OSBPL9: variants seen among roughly 807,000 people sequenced by gnomAD.
OSBPL9 encodes oxysterol-binding protein-related protein 9.
In OSBPL9, 40 loss-of-function variants were observed where a neutral mutation model predicts 106.6. The ratio of observed to expected loss-of-function variants is 0.38; its 90% CI spans 0.29 to 0.49. The LOEUF (loss-of-function observed/expected upper bound fraction) is 0.49, where lower values mean the gene tolerates loss of function less well. OSBPL9 is among the 20% of genes least tolerant of loss of function. OSBPL9 has a pLI of 0.97. For missense variants in OSBPL9, 609 were observed against 887.2 expected (o/e 0.69, Z 3.98); for synonymous variants, 269 against 295.4 (o/e 0.91, Z 0.92).
chr1:51,746,846 TATAATA>T lies in OSBPL9; in HGVS notation c.462+93_462+98del, dbSNP rs1350271092. On this transcript the variant is annotated intron_variant, in intron 6 of 23. Transcript: ENST00000428468. Reference sequence around the variant, plus strand: ...AGTATCTTAGTGTGTTTTTACTTACTATAATAATATTATTGACCTAGTGTAATATTA... The same window carrying T: ...AGTATCTTAGTGTGTTTTTACTTACTATATTATTGACCTAGTGTAATATTA... 3 of 1,018,990 alleles carry T rather than the reference TATAATA, an allele frequency of 2.9e-6. No homozygotes were observed. The African/African-American group carries it at 4.9e-5, about 17-fold the overall frequency. The allele number at this position is 1,018,990 out of a possible 1,614,324, so 63.1% of individuals were successfully genotyped here. A position where few individuals can be genotyped will look rare whatever the true frequency, so the allele number is the denominator to read the frequency against.
At chr1:51,657,604 A>G (rs946224678) in intron 2 of OSBPL9, among the ~76,000 whole-genome samples, 2 of 152,232 alleles carry the variant, frequency 1.3e-5, no homozygotes, top group African/African-American at 4.8e-5. Context: ...GGTAGTGTCA[A>G]ACCAGTGGAG....
At chr1:51,672,394 G>A (rs899516393) in intron 3 of OSBPL9, among the ~76,000 whole-genome samples, 1 of 152,078 alleles carries the variant, frequency 6.6e-6, no homozygotes. Context: ...ATACAGTTAG[G>A]CATTTTAATC....
intron 2 of OSBPL9, among the ~76,000 whole-genome samples, chr1:51,656,218 A>G (rs1361889381): frequency 1.3e-5 from 2 of 152,220 alleles, no homozygotes; most frequent in Non-Finnish European, 1.5e-5. Flanking sequence ...ATACCGTGAT[A>G]TAACTGGTAC....
intron 1 of OSBPL9, among the ~76,000 whole-genome samples, chr1:51,597,591 T>C (rs1465269665): frequency 6.6e-6 from 1 of 152,044 alleles, no homozygotes; most frequent in Non-Finnish European, 1.5e-5. Flanking sequence ...TAAGTGGTAT[T>C]TTAAGCCACA....
intron 12 of OSBPL9, among the ~76,000 whole-genome samples, chr1:51,771,201 CAT>C (rs1190012169): frequency 1.3e-5 from 2 of 152,272 alleles, no homozygotes; most frequent in South Asian, 2.1e-4. Context: ...GATTAGAATA[CAT>C]GTTTTCGCAC....
chr1:51,765,119 A>T (rs1156855131), intron 11 of OSBPL9, among the ~76,000 whole-genome samples: 2 of 152,290 alleles, frequency 1.3e-5, no homozygotes, highest in South Asian at 2.1e-4. Context: ...GTACCAGATG[A>T]TCATCTCAGA....
Position 51,608,680 on chromosome 1 carries a change from G to T in OSBPL9, c.-352-5625G>T, listed in dbSNP as rs550824188. 6.6e-3 allele frequency among the ~76,000 whole-genome samples: 993 copies of T among 151,364 alleles called. 7 individuals are homozygous for T. The highest frequency in any genetic ancestry group is 0.011 in the Non-Finnish European group (752 of 67,762). ...TGGTCACCTGACATTCCTGGATTGG[G>T]GGGGGGGGCTTTCCTGCCCTGCTCT... is the stretch of plus-strand genomic sequence containing the variant. On this transcript the variant is annotated intron_variant, in intron 2 of 25. Coordinates refer to the OSBPL9 transcript ENST00000371714.
At chr1:51,541,124 C>CTT in the OSBPL9 span, among the ~76,000 whole-genome samples, 2 of 151,986 alleles carry the variant, frequency 1.3e-5, no homozygotes, top group Non-Finnish European at 2.9e-5. Flanking sequence ...GAGTGAGACT[C>CTT]TGTCTCAAAA....
the OSBPL9 span, among the ~76,000 whole-genome samples, chr1:51,532,921 G>C: frequency 3.9e-5 from 6 of 152,040 alleles, no homozygotes; most frequent in Non-Finnish European, 1.5e-5. Context: ...AGAAACAGGA[G>C]ATTTAGAAAG....
chr1:51,579,163 C>T (rs189509233), intron 1 of OSBPL9, among the ~76,000 whole-genome samples: 2 of 151,544 alleles, frequency 1.3e-5, no homozygotes, highest in Non-Finnish European at 2.9e-5. Context: ...TTGACCCTCT[C>T]TGAGATTCAG....
At position 51,789,035 on chromosome 1, in the gene OSBPL9, C is replaced by T. The variant is rs540609535; in HGVS notation, c.*1246C>T. Among the ~76,000 whole-genome samples, 17 of 152,294 alleles carry T rather than the reference C, an allele frequency of 1.1e-4. No homozygotes were observed. Among genetic ancestry groups the T allele is most frequent in the African/African-American group, 4.1e-4 (17 of 41,572 alleles). On this transcript the variant is annotated 3_prime_UTR_variant, in exon 24 of 24. Coordinates refer to ENST00000428468, the MANE Select transcript of OSBPL9 (RefSeq NM_024586.6). ...GCTTTCTGGTCTCGCTTGGCCCATT[C>T]TGCTAATTTTCCTTTGCCAGCTCCT... is the stretch of plus-strand genomic sequence containing the variant.
At chr1:51,688,754 T>C (rs1379844664) in intron 3 of OSBPL9, among the ~76,000 whole-genome samples, 2 of 152,194 alleles carry the variant, frequency 1.3e-5, no homozygotes, top group East Asian at 3.8e-4. Context: ...GAGGGCTGAA[T>C]CAGTGACATT....
chr1:51,520,978 AAC>A, the OSBPL9 span, among the ~76,000 whole-genome samples: 1 of 152,228 alleles, frequency 6.6e-6, no homozygotes, highest in African/African-American at 2.4e-5. Flanking sequence ...CCATAACCAC[AAC>A]CGGTGTTTCT....
chr1:51,581,992 G>A (rs1462064574), intron 1 of OSBPL9, among the ~76,000 whole-genome samples: 1 of 152,106 alleles, frequency 6.6e-6, no homozygotes, highest in Non-Finnish European at 1.5e-5. Flanking sequence ...TCTCTAAGGA[G>A]GCCTAGTTCC....
chr1:51,599,699 T>C (rs1284219345), intron 2 of OSBPL9, among the ~76,000 whole-genome samples: 1 of 152,220 alleles, frequency 6.6e-6, no homozygotes, highest in African/African-American at 2.4e-5. Context: ...AAAAAATCCA[T>C]GTGATATTTG....
intron 1 of OSBPL9, among the ~76,000 whole-genome samples, chr1:51,618,498 A>C (rs1271590881): frequency 6.6e-6 from 1 of 152,242 alleles, no homozygotes; most frequent in East Asian, 1.9e-4. Flanking sequence ...AGAAAGCTTT[A>C]GAAAATAATA....
chr1:51,546,031 TTTTGAGACAGGGTCTCAC>T, the OSBPL9 span, among the ~76,000 whole-genome samples: 1 of 152,152 alleles, frequency 6.6e-6, no homozygotes, highest in Non-Finnish European at 1.5e-5. Context: ...AGACAATTTT[TTTTGAGACAGGGTCTCAC>T]TTTGTCACCC....
chr1:51,579,189 A>C (rs1391089528), intron 1 of OSBPL9, among the ~76,000 whole-genome samples: 2 of 152,004 alleles, frequency 1.3e-5, no homozygotes, highest in Admixed American at 1.3e-4. Context: ...TCATCTGTAG[A>C]AATGGGGACC....
At chr1:51,579,948 G>A (rs1446792342) in intron 1 of OSBPL9, among the ~76,000 whole-genome samples, 1 of 151,912 alleles carries the variant, frequency 6.6e-6, no homozygotes, top group Non-Finnish European at 1.5e-5. Context: ...CAGAGGTTTG[G>A]GTCTGGTTTT....
Sources: allele counts gnomAD v4.1 joint callset (sites outside exome capture counted in the v4.1 genomes callset), GRCh38; gene constraint gnomAD v4.1.1; transcripts MANE v1.5; gene names NCBI Gene and HGNC (gene_info 2026-07-23, HGNC 2026-07-21).